Variants in P2RX4 observed in about 807,000 individuals in gnomAD.
P2RX4 encodes the protein purinergic receptor P2X 4, also known as P2X purinoceptor 4.
A neutral mutation model predicts 48.0 loss-of-function variants in P2RX4; 37 were observed. The ratio of observed to expected loss-of-function variants is 0.77; its 90% CI spans 0.59 to 1.01. The LOEUF (loss-of-function observed/expected upper bound fraction) is 1.01, where lower values mean the gene tolerates loss of function less well. P2RX4 is among the 50% of genes least tolerant of loss of function. The pLI is 0.00. For synonymous variants in P2RX4, 200 were observed against 199.7 expected (o/e 1.00, Z -0.01); for missense variants, 501 against 521.4 (o/e 0.96, Z 0.38).
intron 1 of P2RX4, chr12:121,213,621 C>T (rs893197108): frequency 2.0e-5 from 3 of 152,154 alleles, no homozygotes; most frequent in African/African-American, 7.2e-5. Flanking sequence ...CTCTGCCTCC[C>T]AGGCTCAAGT....
In P2RX4 at chr12:121,231,108, C is replaced by T. The variant is rs192010236; in HGVS notation, c.885-1306C>T. 1.8e-3 allele frequency among the ~76,000 whole-genome samples: 276 copies of T among 151,736 alleles called. 1 individual carries two copies. Among genetic ancestry groups the T allele is most frequent in the African/African-American group, 6.0e-3 (250 of 41,410 alleles). On this transcript the variant is annotated intron_variant, in intron 8 of 11. Transcript: ENST00000337233. Reference sequence around the variant, plus strand: ...GTTCAAGACATTCTCCTGCCTCAGCCGCCTGAGTAGCTGGGATTACAGGCG... The same window carrying T: ...GTTCAAGACATTCTCCTGCCTCAGCTGCCTGAGTAGCTGGGATTACAGGCG...
chr12:121,222,378 T>TG (rs1213106416), intron 4 of P2RX4: 1 of 563,228 alleles, frequency 1.8e-6, no homozygotes, highest in Non-Finnish European at 3.1e-6. Flanking sequence ...TTTTTTTTGT[T>TG]GTTGTTGTTG....
Position 121,222,176 on chromosome 12 carries a change from T to A in P2RX4, c.427+10T>A. On this transcript the variant is annotated intron_variant, in intron 4 of 11. Transcript: ENST00000337233. ...GGCACCCACAGCAACGGTACGAGCT[T>A]GTGGCCTCCTGGGGAGGGCGGCCCC... is the stretch of plus-strand genomic sequence containing the variant. 6.2e-7 allele frequency: 1 copy of A among 1,602,570 alleles called. No homozygotes were observed. The highest frequency in any genetic ancestry group is 8.5e-7 in the Non-Finnish European group (1 of 1,169,844).
At chr12:121,227,629 G>C (rs1566008511) in intron 5 of P2RX4, among the ~76,000 whole-genome samples, 2 of 152,196 alleles carry the variant, frequency 1.3e-5, no homozygotes, top group Admixed American at 6.5e-5. Context: ...TCACCGCCTT[G>C]GGGGAGAGGG....
chr12:121,216,833 AGAG>A, intron 1 of P2RX4: 2 of 635,040 alleles, frequency 3.1e-6, no homozygotes, highest in Non-Finnish European at 5.6e-6. Context: ...AAAAAAAAAA[AGAG>A]AAAATGCTCA....
At chr12:121,213,456 A>T (rs10774587) in intron 1 of P2RX4, 53,922 of 152,100 alleles carry the variant, frequency 0.35, 9,852 homozygotes, top group South Asian at 0.4. Flanking sequence ...ATCACATGAA[A>T]ACATTTTTTA....
chr12:121,210,559 C>A (rs1206947574), intron 1 of P2RX4, among the ~76,000 whole-genome samples: 2 of 152,310 alleles, frequency 1.3e-5, no homozygotes, highest in South Asian at 2.1e-4. Flanking sequence ...GCGGGACCAT[C>A]GCCTGAGCCC....
In P2RX4 at chr12:121,210,290, C is replaced by T. The variant is rs773993953; in HGVS notation, c.126C>T (p.Tyr42=). 29 of 1,545,880 alleles carry T rather than the reference C, an allele frequency of 1.9e-5. No homozygotes were observed. Among genetic ancestry groups the T allele is most frequent in the Non-Finnish European group, 2.3e-5 (26 of 1,151,122 alleles). ...NRAVQLLILA[Y]VIGWVFVWEK... ...CCGTGCAACTGCTCATCCTGGCCTA[C>T]GTCATCGGGTGAGCGTGGGGCCGCG... is the stretch of plus-strand genomic sequence containing the variant. The change falls in exon 1 of 12, where the codon TAC becomes TAT. Residue 42 remains tyrosine, a synonymous_variant. Coordinates refer to ENST00000337233, the MANE Select transcript of P2RX4 (RefSeq NM_002560.3).
In P2RX4 at chr12:121,210,311, C is replaced by A; in HGVS notation, c.134+13C>A. 1 of 1,511,082 alleles carries A rather than the reference C, an allele frequency of 6.6e-7. No individual in the cohort carries two copies. The highest frequency in any genetic ancestry group is 8.8e-7 in the Non-Finnish European group (1 of 1,134,174). The allele number at this position is 1,511,082 out of a possible 1,614,324, so 93.6% of individuals were successfully genotyped here. A position where few individuals can be genotyped will look rare whatever the true frequency, so the allele number is the denominator to read the frequency against. On this transcript the variant is annotated intron_variant, in intron 1 of 11. Transcript: ENST00000337233. ...CCTACGTCATCGGGTGAGCGTGGGG[C>A]CGCGCGGGGGGCGCGGCGGGTGCTG...
chr12:121,219,666 AAG>A (rs1447121199), intron 2 of P2RX4, among the ~76,000 whole-genome samples: 1 of 151,574 alleles, frequency 6.6e-6, no homozygotes, highest in Admixed American at 6.6e-5. Context: ...GATGGAAAGA[AAG>A]AAAGAATAGA....
At position 121,232,234 on chromosome 12, in the gene P2RX4, G is replaced by GC; in HGVS notation, c.885-176dup. 1.6e-6 allele frequency: 1 copy of GC among 608,136 alleles called. No individual in the cohort carries two copies. The highest frequency in any genetic ancestry group is 2.0e-5 in the South Asian group (1 of 51,228). The allele number at this position is 608,136 out of a possible 1,614,324, so 37.7% of individuals were successfully genotyped here. ...CTCCCTGTGCCCCTGTACCTCGTGG[G>GC]CCCCGCATCCTCCTGCTTGCACAGC... On this transcript the variant is annotated intron_variant, in intron 8 of 11. Coordinates refer to ENST00000337233, the MANE Select transcript of P2RX4 (RefSeq NM_002560.3). This position sits in a 1 kb window ranked among gnomAD's most constrained non-coding sequence, Gnocchi z 4.3.
chr12:121,230,622 A>G (rs1887282191), intron 8 of P2RX4, among the ~76,000 whole-genome samples: 1 of 152,332 alleles, frequency 6.6e-6, no homozygotes, highest in Admixed American at 6.5e-5. Context: ...ACTGTCACAC[A>G]CTTCTTGTGG....
chr12:121,219,870 AATAG>A (rs1267070814), intron 2 of P2RX4, among the ~76,000 whole-genome samples: 2 of 150,514 alleles, frequency 1.3e-5, no homozygotes, highest in Non-Finnish European at 3.0e-5. Context: ...ATAGACAGAT[AATAG>A]ATAGATTAGA....
chr12:121,226,136 G>A (rs1886962519), intron 5 of P2RX4, among the ~76,000 whole-genome samples: 1 of 152,022 alleles, frequency 6.6e-6, no homozygotes, highest in African/African-American at 2.4e-5. Flanking sequence ...GCCTCCCAAA[G>A]TGCTGGGATT....
Position 121,210,316 on chromosome 12 carries a change from CG to C in P2RX4, c.134+24del. On this transcript the variant is annotated intron_variant, in intron 1 of 11. Transcript: ENST00000337233. Reference sequence around the variant, plus strand: ...GTCATCGGGTGAGCGTGGGGCCGCGCGGGGGGCGCGGCGGGTGCTGCCCTCG... The same window carrying C: ...GTCATCGGGTGAGCGTGGGGCCGCGCGGGGGCGCGGCGGGTGCTGCCCTCG... 7 of 1,499,230 alleles carry C rather than the reference CG, an allele frequency of 4.7e-6. No individual in the cohort carries two copies. Among genetic ancestry groups the C allele is most frequent in the South Asian group, 2.5e-5 (2 of 78,718 alleles). 92.9% of individuals were successfully genotyped at this position (1,499,230 alleles called of 1,614,324 possible).
At chr12:121,231,818 A>G (rs748034109) in intron 8 of P2RX4, among the ~76,000 whole-genome samples, 1 of 152,038 alleles carries the variant, frequency 6.6e-6, no homozygotes, top group Non-Finnish European at 1.5e-5. Flanking sequence ...ATCATGGCCA[A>G]CTTGGTGAAA....
rs1886637867 is a variant in P2RX4 at position 121,221,916 on chromosome 12, G to A, written c.286G>A (p.Glu96Lys). The A allele has an allele frequency of 6.2e-7, 1 of 1,614,146 alleles. No individual in the cohort carries two copies. Among genetic ancestry groups the A allele is most frequent in the Non-Finnish European group, 8.5e-7 (1 of 1,180,012 alleles). ...CCGTGCTGTCTCCCCTCTGCAGGAGGAAAACTCCCTCTTCGTCATGACCAA... is the reference window on the plus strand; with the variant it reads ...CCGTGCTGTCTCCCCTCTGCAGGAGAAAAACTCCCTCTTCGTCATGACCAA... ...VADYVIPAQE[E>K]NSLFVMTNVI... is the part of the protein sequence containing the mutation. The change falls in exon 3 of 12, where the codon GAA (glutamate) becomes AAA (lysine). Residue 96 changes from glutamate (E) to lysine (K), a missense_variant. Coordinates refer to ENST00000337233, the MANE Select transcript of P2RX4 (RefSeq NM_002560.3).
At chr12:121,217,061 A>G (rs372619860) in intron 1 of P2RX4, 73 bp from the exon 2 acceptor site, 21 of 1,466,240 alleles carry the variant, frequency 1.4e-5, no homozygotes, top group Non-Finnish European at 1.8e-5. Context: ...GCCACTGGCC[A>G]GCAGAAGCTT....
intron 11 of P2RX4, 65 bp from the exon 12 acceptor site, chr12:121,233,458 C>T (rs7961979): frequency 7.1e-6 from 11 of 1,547,000 alleles, no homozygotes; most frequent in Middle Eastern, 3.4e-4. Flanking sequence ...CAGGAGCGCA[C>T]CTCCCTCCCG....
Sources: gnomAD v4.1 joint callset for allele counts (sites outside exome capture counted in the v4.1 genomes callset) on GRCh38, gnomAD v4.1.1 for gene constraint, Gnocchi (gnomAD v3.1) non-coding constraint, MANE v1.5 for transcripts, NCBI Gene and HGNC (gene_info 2026-07-23, HGNC 2026-07-21) for gene names.